Variants in PTPN2 observed in about 807,000 individuals in gnomAD.
PTPN2 encodes the protein protein tyrosine phosphatase non-receptor type 2, also known as tyrosine-protein phosphatase non-receptor type 2.
PTPN2 carries 19 observed loss-of-function variants against 57.3 expected under a neutral mutation model. That is an observed-to-expected ratio of 0.33 (90% CI 0.23 to 0.49). PTPN2 has a LOEUF of 0.49. Ranked by LOEUF, PTPN2 falls within the 20% of genes least tolerant of loss-of-function variation. The pLI is 0.99. For synonymous variants in PTPN2, 153 were observed against 164.9 expected (o/e 0.93, Z 0.55); for missense variants, 358 against 501.1 (o/e 0.71, Z 2.73).
At chr18:12,857,774 T>G (rs2043644709) in intron 2 of PTPN2, among the ~76,000 whole-genome samples, 1 of 152,106 alleles carries the variant, frequency 6.6e-6, no homozygotes, top group Admixed American at 6.6e-5. Context: ...AATCTTCAAG[T>G]GTGCTGCAAC....
At chr18:12,840,302 ATAT>A (rs1301005471) in intron 2 of PTPN2, among the ~76,000 whole-genome samples, 1 of 152,234 alleles carries the variant, frequency 6.6e-6, no homozygotes, top group Non-Finnish European at 1.5e-5. Context: ...CGAACAACAA[ATAT>A]TATGCATTCT....
chr18:12,810,289 G>A (rs1267443872), intron 7 of PTPN2, among the ~76,000 whole-genome samples: 1 of 152,072 alleles, frequency 6.6e-6, no homozygotes, highest in Non-Finnish European at 1.5e-5. Context: ...GCATGAATCT[G>A]GGAGGCGGAG....
chr18:12,844,568 G>A (rs1347501366), intron 2 of PTPN2, among the ~76,000 whole-genome samples: 1 of 152,076 alleles, frequency 6.6e-6, no homozygotes, highest in Non-Finnish European at 1.5e-5. Context: ...TGCCATCTGT[G>A]TCATATCTTT....
chr18:12,873,378 A>C (rs1157396006), intron 1 of PTPN2, among the ~76,000 whole-genome samples: 3 of 152,112 alleles, frequency 2.0e-5, no homozygotes, highest in Non-Finnish European at 2.9e-5. Flanking sequence ...GGCTCACTGC[A>C]ACCTCCCTGC....
chr18:12,848,710 G>A (rs2043294335), intron 2 of PTPN2, among the ~76,000 whole-genome samples: 1 of 152,232 alleles, frequency 6.6e-6, no homozygotes, highest in African/African-American at 2.4e-5. Context: ...TTACACAAAA[G>A]ACCTTGAGCA....
intron 2 of PTPN2, among the ~76,000 whole-genome samples, chr18:12,857,404 T>C (rs2043630908): frequency 6.6e-6 from 1 of 152,176 alleles, no homozygotes; most frequent in African/African-American, 2.4e-5. Context: ...GGTTCCCAGG[T>C]GTGATATTGG....
chr18:12,870,572 G>A (rs1254039455), intron 1 of PTPN2, among the ~76,000 whole-genome samples: 3 of 135,238 alleles, frequency 2.2e-5, no homozygotes, highest in Admixed American at 7.7e-5. Context: ...GCAGTGGCGC[G>A]ATCTTGGCTT....
intron 9 of PTPN2, chr18:12,785,938 GAACTGAA>G (rs2040834368): frequency 3.6e-6 from 4 of 1,110,476 alleles, no homozygotes; most frequent in Middle Eastern, 4.0e-4. Flanking sequence ...GACTAACAAT[GAACTGAA>G]AAGGTGACCA....
At chr18:12,831,397 T>A (rs984471901) in intron 3 of PTPN2, among the ~76,000 whole-genome samples, 36 of 152,208 alleles carry the variant, frequency 2.4e-4, no homozygotes, top group African/African-American at 8.0e-4. Flanking sequence ...ATGCTGCTCT[T>A]GATACCGTCA....
In PTPN2 at chr18:12,793,474, C is replaced by G; in HGVS notation, c.*804G>C. The G allele has an allele frequency of 1.0e-6, 1 of 976,946 alleles. No homozygotes were observed. The highest frequency in any genetic ancestry group is 1.2e-6 in the Non-Finnish European group (1 of 821,744). The allele number at this position is 976,946 out of a possible 1,614,324, so 60.5% of individuals were successfully genotyped here. A position where few individuals can be genotyped will look rare whatever the true frequency, so the allele number is the denominator to read the frequency against. On this transcript the variant is annotated 3_prime_UTR_variant, in exon 9 of 9. Transcript: ENST00000309660. ...AATTTCTTTACAAAGTCTTGACCAA[C>G]TGTTTACCTGACTATCCCAGTAAGG...
At chr18:12,868,754 C>T (rs2044083984) in intron 1 of PTPN2, among the ~76,000 whole-genome samples, 1 of 148,672 alleles carries the variant, frequency 6.7e-6, no homozygotes, top group African/African-American at 2.5e-5. Flanking sequence ...CTGCCCGCTT[C>T]AGCCTCCCCA....
At chr18:12,861,597 A>G (rs1297174172) in intron 1 of PTPN2, among the ~76,000 whole-genome samples, 1 of 152,250 alleles carries the variant, frequency 6.6e-6, no homozygotes, top group Non-Finnish European at 1.5e-5. Flanking sequence ...AGGTTAGCAT[A>G]AATGTATAAT....
At chr18:12,861,578 G>C (rs1313435625) in intron 1 of PTPN2, among the ~76,000 whole-genome samples, 1 of 152,172 alleles carries the variant, frequency 6.6e-6, no homozygotes, top group African/African-American at 2.4e-5. Context: ...CTTCATAAAG[G>C]TATGCTAAAG....
rs181390546 is a variant in PTPN2 at position 12,853,790 on chromosome 18, T to A, written c.160+5374A>T. Among the ~76,000 whole-genome samples, 3 of 152,290 alleles carry A rather than the reference T, an allele frequency of 2.0e-5. No homozygotes were observed. The East Asian group carries it at 5.8e-4, about 29-fold the overall frequency. ...TCTAGGAAAATGGGTAGAAAAGATTTAGAGAGGTGTGTAAAGGGGTCAATC... is the reference window on the plus strand; with the variant it reads ...TCTAGGAAAATGGGTAGAAAAGATTAAGAGAGGTGTGTAAAGGGGTCAATC... On this transcript the variant is annotated intron_variant, in intron 2 of 8. Coordinates refer to ENST00000309660, the MANE Select transcript of PTPN2 (RefSeq NM_002828.4).
intron 1 of PTPN2, among the ~76,000 whole-genome samples, chr18:12,866,801 G>C (rs555176887): frequency 2.0e-5 from 3 of 152,000 alleles, no homozygotes; most frequent in Non-Finnish European, 4.4e-5. Flanking sequence ...TCAGGAGATC[G>C]AGACCATCCT....
At chr18:12,869,534 T>A (rs916880175) in intron 1 of PTPN2, among the ~76,000 whole-genome samples, 1 of 152,194 alleles carries the variant, frequency 6.6e-6, no homozygotes, top group South Asian at 2.1e-4. Flanking sequence ...ATAGTTATAA[T>A]ATTTTATTAA....
At chr18:12,830,395 A>T (rs1302025294) in intron 4 of PTPN2, among the ~76,000 whole-genome samples, 1 of 152,150 alleles carries the variant, frequency 6.6e-6, no homozygotes, top group Admixed American at 6.5e-5. Flanking sequence ...GGCCTCCCAA[A>T]GTGCTGGGAT....
At position 12,792,587 on chromosome 18, in the gene PTPN2, GTTTT is replaced by G. The variant is rs368726539; in HGVS notation, c.*1687_*1690del. ...TGAGCCACCACACCCGGCCCAAACT[GTTTT>G]TTTTGTTTGTTTCTTTTGAGATGGA... On this transcript the variant is annotated 3_prime_UTR_variant, in exon 9 of 9. Coordinates refer to ENST00000309660, the MANE Select transcript of PTPN2 (RefSeq NM_002828.4). 6.6e-6 allele frequency: 1 copy of G among 151,638 alleles called. No individual in the cohort carries two copies. Among genetic ancestry groups the G allele is most frequent in the East Asian group, 2.0e-4 (1 of 5,100 alleles). 9.4% of individuals were successfully genotyped at this position (151,638 alleles called of 1,614,324 possible).
chr18:12,796,758 C>A (rs1215482333), intron 8 of PTPN2, among the ~76,000 whole-genome samples: 2 of 152,150 alleles, frequency 1.3e-5, no homozygotes, highest in Non-Finnish European at 2.9e-5. Flanking sequence ...AAATAGAAAC[C>A]TTCCCTTCTC....
Sources: allele counts gnomAD v4.1 joint callset (sites outside exome capture counted in the v4.1 genomes callset), GRCh38; gene constraint gnomAD v4.1.1; transcripts MANE v1.5; gene names NCBI Gene and HGNC (gene_info 2026-07-23, HGNC 2026-07-21).